The following SFT2D3 variants were observed in gnomAD, a reference collection of about 807,000 sequenced individuals.
SFT2D3 encodes the protein SFT2 domain containing 3.
For synonymous variants in SFT2D3, 239 were observed against 191.2 expected, an observed-to-expected ratio of 1.25 and a Z score of -2.06; for missense variants, 405 against 334.6, an observed-to-expected ratio of 1.21 and a Z score of -1.64.
Position 127,703,775 on chromosome 2 carries a change from G to A in SFT2D3, c.*1599G>A, listed in dbSNP as rs1228536172. On this transcript the variant is annotated 3_prime_UTR_variant, in exon 1 of 1. Coordinates refer to ENST00000310981, the MANE Select transcript of SFT2D3 (RefSeq NM_032740.4). ...ATTTCTCTAGAACTTGCAATAGTTG[G>A]GGGTTTTATAATGATGTTTTACAAT... 6.0e-6 allele frequency: 1 copy of A among 166,948 alleles called. No individual in the cohort carries two copies. The highest frequency in any genetic ancestry group is 1.5e-5 in the Non-Finnish European group (1 of 68,102). 10.3% of individuals were successfully genotyped at this position (166,948 alleles called of 1,614,324 possible).
rs569433989 is a variant in SFT2D3 at position 127,702,955 on chromosome 2, A to C, written c.*779A>C. On this transcript the variant is annotated 3_prime_UTR_variant, in exon 1 of 1. Transcript: ENST00000310981. ...TATCTGGTGGAAACCATGGATTTCTACAAGCTCGAATTATTCCTCATTGTA... is the reference window on the plus strand; with the variant it reads ...TATCTGGTGGAAACCATGGATTTCTCCAAGCTCGAATTATTCCTCATTGTA... 4 of 167,212 alleles carry C rather than the reference A, an allele frequency of 2.4e-5. No individual in the cohort carries two copies. In the East Asian group the frequency reaches 7.7e-4, roughly 32 times the overall value. The allele number at this position is 167,212 out of a possible 1,614,324, so 10.4% of individuals were successfully genotyped here.
rs928084781 is a variant in SFT2D3 at position 127,702,060 on chromosome 2, G to C, written c.532G>C (p.Ala178Pro). Residue 178 changes from alanine (A) to proline (P), a missense_variant, in exon 1 of 1, where the codon GCC becomes CCC. Coordinates refer to ENST00000310981, the MANE Select transcript of SFT2D3 (RefSeq NM_032740.4). ...LTVLGAGAQV[A>P]ALLAALVGLL... is the part of the protein sequence containing the mutation. ...GGTGCTGGGCGCGGGCGCGCAGGTG[G>C]CCGCGCTGCTGGCCGCGCTGGTTGG... 1.3e-5 allele frequency: 16 copies of C among 1,209,862 alleles called. No homozygotes were observed. In the African/African-American group the frequency reaches 2.5e-4, roughly 19 times the overall value. The allele number at this position is 1,209,862 out of a possible 1,614,324, so 74.9% of individuals were successfully genotyped here. A position where few individuals can be genotyped will look rare whatever the true frequency, so the allele number is the denominator to read the frequency against.
Position 127,701,635 on chromosome 2 carries a change from G to A in SFT2D3, c.107G>A (p.Gly36Glu), listed in dbSNP as rs1422814686. 129 of 1,319,652 alleles carry A rather than the reference G, an allele frequency of 9.8e-5. No homozygotes were observed. Among genetic ancestry groups the A allele is most frequent in the Non-Finnish European group, 1.2e-4 (128 of 1,038,728 alleles). The allele number at this position is 1,319,652 out of a possible 1,614,324, so 81.7% of individuals were successfully genotyped here. A position where few individuals can be genotyped will look rare whatever the true frequency, so the allele number is the denominator to read the frequency against. The change falls in exon 1 of 1, where the codon GGG becomes GAG. Residue 36 changes from glycine to glutamate, a missense_variant. By Grantham distance (98) the Gly-to-Glu change is moderately conservative. Coordinates refer to ENST00000310981, the MANE Select transcript of SFT2D3 (RefSeq NM_032740.4). ...GCCGCGGAGAAGGCGGAGGAGCCCG[G>A]GGACCGGCCGGCGGAGGAGTGGCTG... ...LLAAEKAEEP[G>E]DRPAEEWLGR...
At position 127,703,411 on chromosome 2, in the gene SFT2D3, G is replaced by A. The variant is rs938510582; in HGVS notation, c.*1235G>A. ...TGCTTTTCCTGAGCTGGATCCCAGT[G>A]TTGCCTTAACAGGGTGTCTGTCGTG... is the stretch of plus-strand genomic sequence containing the variant. On this transcript the variant is annotated 3_prime_UTR_variant, in exon 1 of 1. Coordinates refer to ENST00000310981, the MANE Select transcript of SFT2D3 (RefSeq NM_032740.4). 1 of 167,082 alleles carries A rather than the reference G, an allele frequency of 6.0e-6. No individual in the cohort carries two copies. Among genetic ancestry groups the A allele is most frequent in the Non-Finnish European group, 1.5e-5 (1 of 68,138 alleles). 10.3% of individuals were successfully genotyped at this position (167,082 alleles called of 1,614,324 possible). A position where few individuals can be genotyped will look rare whatever the true frequency, so the allele number is the denominator to read the frequency against.
At position 127,702,123 on chromosome 2, in the gene SFT2D3, G is replaced by T; in HGVS notation, c.595G>T (p.Ala199Ser). 3 of 1,218,404 alleles carry T rather than the reference G, an allele frequency of 2.5e-6. No homozygotes were observed. Among genetic ancestry groups the T allele is most frequent in the Non-Finnish European group, 3.1e-6 (3 of 981,008 alleles). The allele number at this position is 1,218,404 out of a possible 1,614,324, so 75.5% of individuals were successfully genotyped here. ...PWGGGTALRL[A>S]LGRLGRGAGL... ...GGGCGGCGGCACCGCGCTGCGCCTC[G>T]CACTGGGTCGCCTGGGCCGCGGCGC... is the stretch of plus-strand genomic sequence containing the variant. Residue 199 changes from alanine to serine, a missense_variant, in exon 1 of 1, where the codon GCA becomes TCA. Transcript: ENST00000310981.
chr2:127,701,981 AGCGCTGGGCGCCACGCTGTTCGCC>A lies in SFT2D3; in HGVS notation c.463_486del (p.Ala155_Gly162del), dbSNP rs1316252166. On this transcript the variant is annotated inframe_deletion, in exon 1 of 1. Transcript: ENST00000310981. ...CCCGGCCCGCGCTGCTCTACATGGC[AGCGCTGGGCGCCACGCTGTTCGCC>A]GCGCTGGGCCTTCGCAGCACGCTGC... 1 of 1,359,092 alleles carries A rather than the reference AGCGCTGGGCGCCACGCTGTTCGCC, an allele frequency of 7.4e-7. No homozygotes were observed. Among genetic ancestry groups the A allele is most frequent in the Non-Finnish European group, 9.4e-7 (1 of 1,060,000 alleles). The allele number at this position is 1,359,092 out of a possible 1,614,324, so 84.2% of individuals were successfully genotyped here.
rs889011553 is a variant in SFT2D3 at position 127,702,018 on chromosome 2, C to A, written c.490C>A (p.Arg164Ser). 1.7e-5 allele frequency: 22 copies of A among 1,298,358 alleles called. No homozygotes were observed. The highest frequency in any genetic ancestry group is 3.3e-5 in the East Asian group (1 of 29,928). 80.4% of individuals were successfully genotyped at this position (1,298,358 alleles called of 1,614,324 possible). Residue 164 changes from arginine to serine, a missense_variant, in exon 1 of 1, where the codon CGC becomes AGC. Physicochemically the swap from Arg to Ser is moderately radical, Grantham distance 110. Coordinates refer to ENST00000310981, the MANE Select transcript of SFT2D3 (RefSeq NM_032740.4). Reference protein sequence around the residue: ...GATLFAALGLRSTLLTVLGAG... With the variant: ...GATLFAALGLSSTLLTVLGAG... The stretch of plus-strand genomic sequence containing the variant: ...CACGCTGTTCGCCGCGCTGGGCCTT[C>A]GCAGCACGCTGCTCACGGTGCTGGG...
In SFT2D3 at chr2:127,701,645, G is replaced by A. The variant is rs777162956; in HGVS notation, c.117G>A (p.Pro39=). 2.3e-6 allele frequency: 3 copies of A among 1,305,116 alleles called. No individual in the cohort carries two copies. Among genetic ancestry groups the A allele is most frequent in the Non-Finnish European group, 2.9e-6 (3 of 1,031,874 alleles). 80.8% of individuals were successfully genotyped at this position (1,305,116 alleles called of 1,614,324 possible). Reference sequence around the variant, plus strand: ...AGGCGGAGGAGCCCGGGGACCGGCCGGCGGAGGAGTGGCTGGGCCGCGCGG... The same window carrying A: ...AGGCGGAGGAGCCCGGGGACCGGCCAGCGGAGGAGTGGCTGGGCCGCGCGG... The part of the protein sequence containing the change: ...AEKAEEPGDR[P]AEEWLGRAGL... The change falls in exon 1 of 1, where the codon CCG becomes CCA. Residue 39 remains proline, a synonymous_variant. Coordinates refer to ENST00000310981, the MANE Select transcript of SFT2D3 (RefSeq NM_032740.4).
At position 127,703,508 on chromosome 2, in the gene SFT2D3, C is replaced by T. The variant is rs563965146; in HGVS notation, c.*1332C>T. 6.0e-6 allele frequency: 1 copy of T among 167,120 alleles called. No homozygotes were observed. Among genetic ancestry groups the T allele is most frequent in the Non-Finnish European group, 1.5e-5 (1 of 68,160 alleles). The allele number at this position is 167,120 out of a possible 1,614,324, so 10.4% of individuals were successfully genotyped here. A position where few individuals can be genotyped will look rare whatever the true frequency, so the allele number is the denominator to read the frequency against. On this transcript the variant is annotated 3_prime_UTR_variant, in exon 1 of 1. Transcript: ENST00000310981. ...CTAAGTAAGTCAGGTCCCTAAGCCC[C>T]GTCCCAAGAAGTGACACAAGTGGCC...
rs1477745365 is a variant in SFT2D3 at position 127,704,320 on chromosome 2, G to T, written c.*2144G>T. The T allele has an allele frequency of 6.0e-6, 1 of 166,800 alleles. No individual in the cohort carries two copies. The highest frequency in any genetic ancestry group is 1.5e-5 in the Non-Finnish European group (1 of 68,078). The allele number at this position is 166,800 out of a possible 1,614,324, so 10.3% of individuals were successfully genotyped here. On this transcript the variant is annotated 3_prime_UTR_variant, in exon 1 of 1. Transcript: ENST00000310981. ...GTCCAGTAGAGCTTCAAGGTAAAAT[G>T]AAAATTTTTAAATGTGATCTGGTTA... is the stretch of plus-strand genomic sequence containing the variant.
Position 127,701,881 on chromosome 2 carries a change from T to C in SFT2D3, c.353T>C (p.Leu118Pro). 6 of 1,457,320 alleles carry C rather than the reference T, an allele frequency of 4.1e-6. No homozygotes were observed. Among genetic ancestry groups the C allele is most frequent in the Non-Finnish European group, 5.4e-6 (6 of 1,110,610 alleles). The allele number at this position is 1,457,320 out of a possible 1,614,324, so 90.3% of individuals were successfully genotyped here. A position where few individuals can be genotyped will look rare whatever the true frequency, so the allele number is the denominator to read the frequency against. The change falls in exon 1 of 1, where the codon CTG becomes CCG. Residue 118 changes from leucine (L) to proline (P), a missense_variant. By Grantham distance (98) the Leu-to-Pro change is moderately conservative (BLOSUM62 -3). Coordinates refer to ENST00000310981, the MANE Select transcript of SFT2D3 (RefSeq NM_032740.4). ...FALLWSLGSA[L>P]ALAGSALLRG... ...CTGCTCTGGTCACTGGGCTCGGCGC[T>C]GGCGTTGGCGGGAAGCGCGCTGCTG...
Position 127,701,677 on chromosome 2 carries a change from G to A in SFT2D3, c.149G>A (p.Arg50His). The A allele has an allele frequency of 7.7e-7, 1 of 1,300,982 alleles. No homozygotes were observed. Among genetic ancestry groups the A allele is most frequent in the Non-Finnish European group, 9.7e-7 (1 of 1,030,228 alleles). 80.6% of individuals were successfully genotyped at this position (1,300,982 alleles called of 1,614,324 possible). The change falls in exon 1 of 1, where the codon CGC (arginine) becomes CAC (histidine). Residue 50 changes from arginine to histidine, a missense_variant. Transcript: ENST00000310981. ...AEEWLGRAGLRWTWARSPAES... is the reference protein window; with the variant it reads ...AEEWLGRAGLHWTWARSPAES... Reference sequence around the variant, plus strand: ...GAGTGGCTGGGCCGCGCGGGCTTGCGCTGGACGTGGGCGCGGAGCCCTGCG... The same window carrying A: ...GAGTGGCTGGGCCGCGCGGGCTTGCACTGGACGTGGGCGCGGAGCCCTGCG...
At position 127,701,952 on chromosome 2, in the gene SFT2D3, C is replaced by T. The variant is rs1173131525; in HGVS notation, c.424C>T (p.Pro142Ser). 2.1e-5 allele frequency: 30 copies of T among 1,401,244 alleles called. No individual in the cohort carries two copies. The highest frequency in any genetic ancestry group is 2.7e-5 in the Non-Finnish European group (29 of 1,084,896). The allele number at this position is 1,401,244 out of a possible 1,614,324, so 86.8% of individuals were successfully genotyped here. Residue 142 changes from proline to serine, a missense_variant, in exon 1 of 1, where the codon CCG (proline) becomes TCG (serine). Pro to Ser is a moderately conservative substitution (Grantham distance 74, BLOSUM62 -1). Coordinates refer to ENST00000310981, the MANE Select transcript of SFT2D3 (RefSeq NM_032740.4). ...CGRLLRCEEAPSRPALLYMAA... is the reference protein window; with the variant it reads ...CGRLLRCEEASSRPALLYMAA... The stretch of plus-strand genomic sequence containing the variant: ...ACGCCTGCTGCGCTGCGAAGAAGCG[C>T]CGTCCCGGCCCGCGCTGCTCTACAT...
chr2:127,704,197 T>C lies in SFT2D3; in HGVS notation c.*2021T>C, dbSNP rs1408492550. 2 of 166,512 alleles carry C rather than the reference T, an allele frequency of 1.2e-5. No individual in the cohort carries two copies. The highest frequency in any genetic ancestry group is 2.9e-5 in the Non-Finnish European group (2 of 68,060). 10.3% of individuals were successfully genotyped at this position (166,512 alleles called of 1,614,324 possible). ...TTCAAATCACAACATCTAGTATGTA[T>C]GCTGACAGTGATGTTTTTAAATGCC... On this transcript the variant is annotated 3_prime_UTR_variant, in exon 1 of 1. Transcript: ENST00000310981.
chr2:127,701,858 G>A lies in SFT2D3; in HGVS notation c.330G>A (p.Leu110=), dbSNP rs1167458418. 6.8e-7 allele frequency: 1 copy of A among 1,461,400 alleles called. No homozygotes were observed. The highest frequency in any genetic ancestry group is 1.3e-5 in the South Asian group (1 of 77,964). 90.5% of individuals were successfully genotyped at this position (1,461,400 alleles called of 1,614,324 possible). The change falls in exon 1 of 1, where the codon CTG becomes CTA. Residue 110 remains leucine, a synonymous_variant. Coordinates refer to ENST00000310981, the MANE Select transcript of SFT2D3 (RefSeq NM_032740.4). ...TGCTGCGCGCGCGCAAGTTCGCGCT[G>A]CTCTGGTCACTGGGCTCGGCGCTGG... ...VLLLRARKFA[L]LWSLGSALAL...
chr2:127,702,150 G>T lies in SFT2D3; in HGVS notation c.622G>T (p.Gly208Cys), dbSNP rs781739540. 65 of 1,214,988 alleles carry T rather than the reference G, an allele frequency of 5.3e-5. No homozygotes were observed. The highest frequency in any genetic ancestry group is 8.7e-5 in the Admixed American group (2 of 22,936). The allele number at this position is 1,214,988 out of a possible 1,614,324, so 75.3% of individuals were successfully genotyped here. ...LALGRLGRGA[G>C]LAKVLPV ...ACTGGGTCGCCTGGGCCGCGGCGCC[G>T]GCCTCGCCAAGGTGCTGCCCGTGTG... is the stretch of plus-strand genomic sequence containing the variant. Residue 208 changes from glycine (G) to cysteine (C), a missense_variant, in exon 1 of 1, where the codon GGC becomes TGC. Physicochemically the swap from Gly to Cys is radical, Grantham distance 159. Coordinates refer to ENST00000310981, the MANE Select transcript of SFT2D3 (RefSeq NM_032740.4).
In SFT2D3 at chr2:127,701,578, C is replaced by A; in HGVS notation, c.50C>A (p.Ala17Asp). The change falls in exon 1 of 1, where the codon GCT becomes GAT. Residue 17 changes from alanine (A) to aspartate (D), a missense_variant. Transcript: ENST00000310981. ...CAGGAGTACCTGGCGCAGGGGAAAGCTGGCGGCCCGGCGGCCGCGGAGCCG... is the reference window on the plus strand; with the variant it reads ...CAGGAGTACCTGGCGCAGGGGAAAGATGGCGGCCCGGCGGCCGCGGAGCCG... ...QLQEYLAQGK[A>D]GGPAAAEPLL... 1 of 1,363,126 alleles carries A rather than the reference C, an allele frequency of 7.3e-7. No individual in the cohort carries two copies. The highest frequency in any genetic ancestry group is 9.5e-7 in the Non-Finnish European group (1 of 1,057,378). 84.4% of individuals were successfully genotyped at this position (1,363,126 alleles called of 1,614,324 possible). A position where few individuals can be genotyped will look rare whatever the true frequency, so the allele number is the denominator to read the frequency against.
In SFT2D3 at chr2:127,704,251, G is replaced by A. The variant is rs1343712812; in HGVS notation, c.*2075G>A. On this transcript the variant is annotated 3_prime_UTR_variant, in exon 1 of 1. Transcript: ENST00000310981. ...TATATTTAATAAGTATAATGTAGAG[G>A]TTTATTGTTTAAATGAATTCACTCT... 1.8e-5 allele frequency: 3 copies of A among 166,632 alleles called. No individual in the cohort carries two copies. The highest frequency in any genetic ancestry group is 6.6e-5 in the Admixed American group (1 of 15,238). 10.3% of individuals were successfully genotyped at this position (166,632 alleles called of 1,614,324 possible).
rs1344823135 is a variant in SFT2D3 at position 127,703,867 on chromosome 2, C to T, written c.*1691C>T. 6.0e-6 allele frequency: 1 copy of T among 166,536 alleles called. No homozygotes were observed. The highest frequency in any genetic ancestry group is 2.4e-5 in the African/African-American group (1 of 41,416). 10.3% of individuals were successfully genotyped at this position (166,536 alleles called of 1,614,324 possible). On this transcript the variant is annotated 3_prime_UTR_variant, in exon 1 of 1. Coordinates refer to ENST00000310981, the MANE Select transcript of SFT2D3 (RefSeq NM_032740.4). ...AGCTGGTGGCTCACACCTGTAATCC[C>T]AGCATTTTGGGAGGCCAAGGCGGGA...
Sources: allele counts gnomAD v4.1 joint callset, GRCh38; gene constraint gnomAD v4.1.1; transcripts MANE v1.5; gene names NCBI Gene and HGNC (gene_info 2026-07-23, HGNC 2026-07-21).